Variants in ANAPC11 observed in about 807,000 individuals in gnomAD.
ANAPC11 encodes anaphase-promoting complex subunit 11.
Under a neutral mutation model 11.8 loss-of-function variants are expected in ANAPC11, and 5 were observed. That is an observed-to-expected ratio of 0.42 (90% confidence interval 0.22 to 0.89). ANAPC11 has a LOEUF of 0.89. ANAPC11 is among the 40% of genes least tolerant of loss of function. ANAPC11 has a pLI of 0.28. For synonymous variants in ANAPC11, 45 were observed against 41.0 expected (o/e 1.10, Z -0.38); for missense variants, 68 against 112.9 (o/e 0.60, Z 1.80).
At chr17:81,894,880 G>A (rs2039683030) in intron 3 of ANAPC11, 1 of 330,454 alleles carries the variant, frequency 3.0e-6, no homozygotes, top group Non-Finnish European at 5.4e-6. Flanking sequence ...ACCATGCTGG[G>A]CTAATTTTTT....
Position 81,898,922 on chromosome 17 carries a change from C to T in ANAPC11, c.110-998C>T, listed in dbSNP as rs569317934. ...AGTACTCAGAGTGGCCCAGACCCCT[C>T]TCCTCAGGGGGCTAGCAGGCTTCAG... On this transcript the variant is annotated intron_variant, in intron 3 of 3. Transcript: ENST00000344877. 7 of 418,984 alleles carry T rather than the reference C, an allele frequency of 1.7e-5. No homozygotes were observed. In the South Asian group the frequency reaches 2.1e-4, roughly 13 times the overall value. The allele number at this position is 418,984 out of a possible 1,614,324, so 26.0% of individuals were successfully genotyped here. A position where few individuals can be genotyped will look rare whatever the true frequency, so the allele number is the denominator to read the frequency against.
upstream of ANAPC11, chr17:81,891,212 G>A (rs1407360853): frequency 4.5e-6 from 4 of 887,740 alleles, no homozygotes; most frequent in Non-Finnish European, 4.1e-6. Flanking sequence ...CCGGGCGGCC[G>A]CTCCACCAGC....
chr17:81,900,210 C>T lies in ANAPC11; in HGVS notation c.*145C>T, dbSNP rs555780207. The T allele has an allele frequency of 3.9e-6, 5 of 1,281,856 alleles. No homozygotes were observed. Among genetic ancestry groups the T allele is most frequent in the African/African-American group, 1.5e-5 (1 of 66,564 alleles). The allele number at this position is 1,281,856 out of a possible 1,614,324, so 79.4% of individuals were successfully genotyped here. A position where few individuals can be genotyped will look rare whatever the true frequency, so the allele number is the denominator to read the frequency against. ...GTTTGTTTTGCCATCACTATGTTGA[C>T]ACTTTTATCCAATAAGTGAAAACTC... is the stretch of plus-strand genomic sequence containing the variant. On this transcript the variant is annotated 3_prime_UTR_variant, in exon 4 of 4. Coordinates refer to ENST00000344877, the MANE Select transcript of ANAPC11 (RefSeq NM_001002248.3).
chr17:81,899,119 G>A (rs1192046377), intron 3 of ANAPC11: 9 of 1,075,506 alleles, frequency 8.4e-6, no homozygotes, highest in Non-Finnish European at 1.2e-5. Context: ...CCGTGGGGCT[G>A]GGGCTGGGAC....
chr17:81,899,323 C>T (rs1275857038), intron 3 of ANAPC11: 2 of 1,613,640 alleles, frequency 1.2e-6, no homozygotes, highest in South Asian at 2.2e-5. Context: ...AGGGCCCATC[C>T]ACAGGTGCCC....
chr17:81,897,634 G>T (rs1468550005), intron 3 of ANAPC11, among the ~76,000 whole-genome samples: 1 of 152,042 alleles, frequency 6.6e-6, no homozygotes, highest in Non-Finnish European at 1.5e-5. Flanking sequence ...GCTCCACAAT[G>T]CCTGGCTAAT....
chr17:81,900,239 A>G lies in ANAPC11; in HGVS notation c.*174A>G. 1.9e-6 allele frequency: 2 copies of G among 1,035,630 alleles called. No individual in the cohort carries two copies. Among genetic ancestry groups the G allele is most frequent in the African/African-American group, 1.6e-5 (1 of 61,550 alleles). The allele number at this position is 1,035,630 out of a possible 1,614,324, so 64.2% of individuals were successfully genotyped here. On this transcript the variant is annotated 3_prime_UTR_variant, in exon 4 of 4. Transcript: ENST00000344877. ...TTTATCCAATAAGTGAAAACTCATT[A>G]AACTACTCAAATCTTGCTGGAGGCC...
At chr17:81,895,333 G>C (rs916842943) in intron 3 of ANAPC11, among the ~76,000 whole-genome samples, 1 of 151,930 alleles carries the variant, frequency 6.6e-6, no homozygotes, top group Non-Finnish European at 1.5e-5. Flanking sequence ...TTACAGGCGC[G>C]AACCACCGTG....
chr17:81,891,580 T>TCGGCTCGAGCCC (rs1482695344), upstream of ANAPC11: 4 of 1,416,010 alleles, frequency 2.8e-6, no homozygotes, highest in Non-Finnish European at 3.7e-6. Flanking sequence ...GAATCGGGCA[T>TCGGCTCGAGCCC]CGGCTCGAGC....
upstream of ANAPC11, chr17:81,890,939 G>A: frequency 2.1e-6 from 3 of 1,454,894 alleles, no homozygotes; most frequent in South Asian, 3.9e-5. Flanking sequence ...CCGAAACGGG[G>A]CCGCCAGCGC....
intron 3 of ANAPC11, 189 bp downstream of exon 3, chr17:81,894,775 T>C (rs1450735632): frequency 6.7e-6 from 3 of 444,820 alleles, no homozygotes; most frequent in Non-Finnish European, 1.2e-5. Context: ...TGGAGTGCAA[T>C]GGCGCGATCT....
At chr17:81,898,919 CCT>C (rs2039834441) in intron 3 of ANAPC11, 2 of 414,844 alleles carry the variant, frequency 4.8e-6, no homozygotes, top group Non-Finnish European at 8.8e-6. Flanking sequence ...GGCCCAGACC[CCT>C]CTCCTCAGGG....
chr17:81,894,325 C>T (rs1288836459), intron 2 of ANAPC11, 142 bp from the exon 3 acceptor site: 3 of 427,550 alleles, frequency 7.0e-6, no homozygotes, highest in Non-Finnish European at 1.3e-5. Context: ...TGGGTTCGGA[C>T]TCCTGGGCCG....
At chr17:81,893,384 G>C (rs531792562) in intron 1 of ANAPC11, among the ~76,000 whole-genome samples, 168 bp from the exon 2 acceptor site, 5 of 151,646 alleles carry the variant, frequency 3.3e-5, no homozygotes, top group African/African-American at 7.3e-5. Context: ...GAGCCACTAC[G>C]CCTGGCCTCT....
upstream of ANAPC11, chr17:81,890,854 G>A (rs763411257): frequency 1.2e-6 from 2 of 1,613,894 alleles, no homozygotes; most frequent in South Asian, 1.1e-5. Context: ...GCAGATCTGT[G>A]AGTCTCAGTC....
intron 3 of ANAPC11, chr17:81,898,580 T>C (rs527957509): frequency 1.3e-5 from 2 of 152,624 alleles, no homozygotes; most frequent in African/African-American, 4.8e-5. Context: ...TGTGCTTCCA[T>C]ACTAAGCAGC....
intron 3 of ANAPC11, 113 bp from the exon 4 acceptor site, chr17:81,899,807 C>T (rs1468528578): frequency 9.9e-6 from 11 of 1,111,040 alleles, no homozygotes; most frequent in Non-Finnish European, 1.3e-5. Flanking sequence ...ACATGAGAGG[C>T]TGCAGTGCTG....
At position 81,894,535 on chromosome 17, in the gene ANAPC11, G is replaced by A. The variant is rs1300965989; in HGVS notation, c.58G>A (p.Asp20Asn). Residue 20 changes from aspartate to asparagine, a missense_variant, in exon 3 of 4, where the codon GAT becomes AAT. Coordinates refer to ENST00000344877, the MANE Select transcript of ANAPC11 (RefSeq NM_001002248.3). ...GGCCACTTGGCTCTGGGTGGCCAAC[G>A]ATGAGAACTGTGGCATCTGCAGGAT... Reference protein sequence around the residue: ...GVATWLWVANDENCGICRMAF... With the variant: ...GVATWLWVANNENCGICRMAF... 6.2e-7 allele frequency: 1 copy of A among 1,612,812 alleles called. No homozygotes were observed. The highest frequency in any genetic ancestry group is 1.1e-5 in the South Asian group (1 of 90,992).
chr17:81,894,713 TTC>T (rs770062681), intron 3 of ANAPC11, 127 bp downstream of exon 3: 9 of 475,902 alleles, frequency 1.9e-5, no homozygotes, highest in South Asian at 9.6e-5. Flanking sequence ...CAGTTTCATT[TTC>T]TTTTTTTTTT....
Sources: gnomAD v4.1 joint callset for allele counts (sites outside exome capture counted in the v4.1 genomes callset) on GRCh38, gnomAD v4.1.1 for gene constraint, MANE v1.5 for transcripts, NCBI Gene and HGNC (gene_info 2026-07-23, HGNC 2026-07-21) for gene names.